The following ZNF248 variants were observed in gnomAD, a reference collection of about 807,000 sequenced individuals.
The protein encoded by ZNF248 is zinc finger protein 248, also known as KRAB protein domain.
A neutral mutation model predicts 44.3 loss-of-function variants in ZNF248; 20 were observed. The observed-to-expected ratio is 0.45, with a 90% confidence interval of 0.32 to 0.66. The LOEUF (loss-of-function observed/expected upper bound fraction) is 0.66. Among genes scored for constraint, ZNF248 ranks in the 30% least tolerant of loss-of-function variants. The pLI, the probability that ZNF248 is intolerant of heterozygous loss-of-function variation, is 0.04. For missense variants in ZNF248, 654 were observed against 677.0 expected, an observed-to-expected ratio of 0.97 and a Z score of 0.38; for synonymous variants, 224 against 229.0, an observed-to-expected ratio of 0.98 and a Z score of 0.20.
At chr10:37,804,114 T>C (rs901581519) in intron 6 of ZNF248, among the ~76,000 whole-genome samples, 5 of 149,028 alleles carry the variant, frequency 3.4e-5, no homozygotes, top group East Asian at 1.9e-4. Flanking sequence ...TTTTTTTTTT[T>C]TTTTTTGAGA....
At position 37,830,549 on chromosome 10, in the gene ZNF248, T is replaced by G. The variant is rs959435734; in HGVS notation, c.*1066A>C. 5.1e-6 allele frequency: 5 copies of G among 985,344 alleles called. No individual in the cohort carries two copies. In the African/African-American group the frequency reaches 8.7e-5, roughly 17 times the overall value. 61.0% of individuals were successfully genotyped at this position (985,344 alleles called of 1,614,324 possible). On this transcript the variant is annotated 3_prime_UTR_variant, in exon 6 of 6. Transcript: ENST00000395867. Reference sequence around the variant, plus strand: ...AGCTGTAAATGGCCATAGCCATTTATTTATGTCAGGAAATAGAAGGGGTAT... The same window carrying G: ...AGCTGTAAATGGCCATAGCCATTTAGTTATGTCAGGAAATAGAAGGGGTAT...
the ZNF248 span, among the ~76,000 whole-genome samples, chr10:37,760,701 G>A: frequency 2.4e-4 from 36 of 152,204 alleles, no homozygotes; most frequent in African/African-American, 7.9e-4. Context: ...TGGCATGGTG[G>A]TGCATGCCTG....
intron 6 of ZNF248, among the ~76,000 whole-genome samples, chr10:37,791,042 CTTTTTTTTT>C (rs869199263): frequency 3.3e-4 from 17 of 50,940 alleles, no homozygotes; most frequent in East Asian, 1.2e-3. Flanking sequence ...TTTGTTATTT[CTTTTTTTTT>C]TTTTTTTTTT....
intron 6 of ZNF248, among the ~76,000 whole-genome samples, chr10:37,780,486 C>T (rs888694974): frequency 6.6e-6 from 1 of 152,158 alleles, no homozygotes; most frequent in African/African-American, 2.4e-5. Context: ...AAACTGGATC[C>T]CTTCCTTACA....
chr10:37,832,530 G>A lies in ZNF248; in HGVS notation c.825C>T (p.Cys275=), dbSNP rs777732614. Residue 275 remains cysteine (C), a synonymous_variant, in exon 6 of 6, where the codon TGC becomes TGT. Coordinates refer to ENST00000395867, the MANE Select transcript of ZNF248 (RefSeq NM_021045.3). The part of the protein sequence containing the change: ...LEMEPYGCSI[C]GKSFCMNLRF... ...TTAAATTCATGCAGAAGGACTTCCC[G>A]CAAATACTGCATCCATACGGCTCCA... The A allele has an allele frequency of 5.9e-5, 96 of 1,613,612 alleles. No individual in the cohort carries two copies. In the Admixed American group the frequency reaches 6.3e-4, roughly 11 times the overall value.
chr10:37,791,470 G>C (rs1490991159), intron 6 of ZNF248: 1 of 152,082 alleles, frequency 6.6e-6, no homozygotes, highest in African/African-American at 2.4e-5. Context: ...TTCGTTTTCA[G>C]GTATACTCTT....
At chr10:37,823,256 C>T (rs1028845921) in intron 6 of ZNF248, among the ~76,000 whole-genome samples, 42 of 141,354 alleles carry the variant, frequency 3.0e-4, no homozygotes, top group Non-Finnish European at 5.4e-4. Context: ...ATTGCTTGAA[C>T]CTGGGAGGCG....
the ZNF248 span, among the ~76,000 whole-genome samples, chr10:37,758,547 A>G: frequency 3.9e-5 from 6 of 152,164 alleles, no homozygotes; most frequent in Admixed American, 3.9e-4. Flanking sequence ...GCACTTTTAC[A>G]TATTTCTTAT....
At chr10:37,799,266 G>A (rs2049513244) in intron 6 of ZNF248, among the ~76,000 whole-genome samples, 1 of 151,930 alleles carries the variant, frequency 6.6e-6, no homozygotes, top group African/African-American at 2.4e-5. Context: ...TTTAAAATAA[G>A]TATGTGAAAA....
chr10:37,844,194 A>T (rs1417342329), intron 3 of ZNF248, among the ~76,000 whole-genome samples: 2 of 152,220 alleles, frequency 1.3e-5, no homozygotes, highest in Non-Finnish European at 2.9e-5. Flanking sequence ...GTGGGATGGC[A>T]TCTTTAAAGT....
intron 3 of ZNF248, among the ~76,000 whole-genome samples, chr10:37,853,372 G>A (rs116928366): frequency 0.011 from 1,710 of 152,176 alleles, 19 homozygotes; most frequent in Non-Finnish European, 0.019. Flanking sequence ...AGAAGTCATC[G>A]GAATGGTTTT....
rs145244954 is a variant in ZNF248, at chr10:37,780,859, TC to T, written c.331-4285del. Among the ~76,000 whole-genome samples, 133 of 152,084 alleles carry T rather than the reference TC, an allele frequency of 8.7e-4. 3 individuals carry two copies. The East Asian group carries it at 0.02, about 23-fold the overall frequency. On this transcript the variant is annotated intron_variant, in intron 6 of 6. Transcript: ENST00000615949. ...CTTGTCACACTCGGGCTGAATCCGC[TC>T]CCGGAGTGGTGTATAGAGCTGAAGG...
chr10:37,822,073 C>T (rs2053562386), intron 6 of ZNF248, among the ~76,000 whole-genome samples: 1 of 152,192 alleles, frequency 6.6e-6, no homozygotes, highest in African/African-American at 2.4e-5. Context: ...AGAGGCCCAA[C>T]TCATCACATT....
chr10:37,777,790 G>A (rs1390050322), intron 6 of ZNF248, among the ~76,000 whole-genome samples: 1 of 150,000 alleles, frequency 6.7e-6, no homozygotes, highest in African/African-American at 2.5e-5. Context: ...GCGGTGTTTG[G>A]TTTTTTGTTC....
intron 6 of ZNF248, among the ~76,000 whole-genome samples, chr10:37,798,418 T>A (rs927635421): frequency 2.0e-5 from 3 of 152,094 alleles, no homozygotes; most frequent in Non-Finnish European, 4.4e-5. Context: ...GTGGATGTTG[T>A]GGTATGTGAC....
downstream of ZNF248, among the ~76,000 whole-genome samples, chr10:37,773,208 G>A (rs1382279958): frequency 6.6e-6 from 1 of 152,158 alleles, no homozygotes; most frequent in Non-Finnish European, 1.5e-5. Context: ...TCACACCACA[G>A]CACTCCAGCC....
chr10:37,832,848 A>T lies in ZNF248; in HGVS notation c.507T>A (p.Asn169Lys). The T allele has an allele frequency of 6.2e-7, 1 of 1,613,858 alleles. No individual in the cohort carries two copies. The highest frequency in any genetic ancestry group is 8.5e-7 in the Non-Finnish European group (1 of 1,179,828). The stretch of plus-strand genomic sequence containing the variant: ...TATCAAGGAGCAATTTCTCACATAC[A>T]TTAAACTCATCAGGCTTCTTTCTGG... ...NCSRKKPDEF[N>K]VCEKLLLDIR... Residue 169 changes from asparagine to lysine, a missense_variant, in exon 6 of 6, where the codon AAT (asparagine) becomes AAA (lysine). Transcript: ENST00000395867.
At chr10:37,823,333 CAAAAAAA>C (rs60957023) in intron 6 of ZNF248, among the ~76,000 whole-genome samples, 16 of 17,526 alleles carry the variant, frequency 9.1e-4, no homozygotes, top group South Asian at 7.9e-3. Flanking sequence ...ACTCCGTCTC[CAAAAAAA>C]AAAAAAAAAA....
At chr10:37,771,799 AC>A (rs1225380638), downstream of ZNF248, among the ~76,000 whole-genome samples, 2 of 152,154 alleles carry the variant, frequency 1.3e-5, no homozygotes, top group African/African-American at 4.8e-5. Flanking sequence ...ATTAAAAAAA[AC>A]AATCGATGCA....
Sources: gnomAD v4.1 joint callset for allele counts (sites outside exome capture counted in the v4.1 genomes callset) on GRCh38, gnomAD v4.1.1 for gene constraint, MANE v1.5 for transcripts, NCBI Gene and HGNC (gene_info 2026-07-23, HGNC 2026-07-21) for gene names.